The following BANP variants were observed in gnomAD, a reference collection of about 807,000 sequenced individuals.
BANP encodes protein BANP.
A neutral mutation model predicts 68.1 loss-of-function variants in BANP; 11 were observed. That is an observed-to-expected ratio of 0.16 (90% CI 0.10 to 0.27). The LOEUF (loss-of-function observed/expected upper bound fraction) is 0.27. Among genes scored for constraint, BANP ranks in the 10% least tolerant of loss-of-function variants. BANP has a pLI of 1.00. For synonymous variants in BANP, 329 were observed against 303.2 expected (o/e 1.09, Z -0.88); for missense variants, 504 against 722.7 (o/e 0.70, Z 3.47).
intron 1 of BANP, among the ~76,000 whole-genome samples, chr16:87,951,765 G>A (rs1001414573): frequency 2.2e-4 from 34 of 151,634 alleles, no homozygotes; most frequent in African/African-American, 7.0e-4. Context: ...CCCGGCGTCC[G>A]TTGAGCCGCG....
intron 9 of BANP, chr16:88,035,014 C>G: frequency 3.2e-6 from 1 of 311,700 alleles, no homozygotes; most frequent in South Asian, 3.9e-5. Flanking sequence ...TCCAGCATGT[C>G]CAAGCTGTGT....
chr16:88,056,878 A>G (rs886569907), intron 11 of BANP, among the ~76,000 whole-genome samples: 1 of 152,366 alleles, frequency 6.6e-6, no homozygotes, highest in Admixed American at 6.5e-5. Context: ...AGTTAGTTAT[A>G]TGATGCACAC....
chr16:88,058,045 C>T (rs542334322), intron 11 of BANP, among the ~76,000 whole-genome samples: 1 of 152,242 alleles, frequency 6.6e-6, no homozygotes, highest in South Asian at 2.1e-4. Flanking sequence ...TAATTTCCTA[C>T]CTTTTTTTCA....
rs115556549 is a variant in BANP at position 88,007,684 on chromosome 16, G to A, written c.655+1419G>A. ...AGTTGTTGATTTTTCCTAGCAACTCGATGTTGCTTTGTCTAGTGAACAAAG... is the reference window on the plus strand; with the variant it reads ...AGTTGTTGATTTTTCCTAGCAACTCAATGTTGCTTTGTCTAGTGAACAAAG... On this transcript the variant is annotated intron_variant, in intron 6 of 13. Transcript: ENST00000682872. Among the ~76,000 whole-genome samples, 665 of 152,314 alleles carry A rather than the reference G, an allele frequency of 4.4e-3. 3 individuals carry two copies. Among genetic ancestry groups the A allele is most frequent in the African/African-American group, 0.012 (485 of 41,560 alleles).
intron 8 of BANP, among the ~76,000 whole-genome samples, chr16:88,032,170 C>G (rs1216042721): frequency 6.6e-6 from 1 of 151,850 alleles, no homozygotes; most frequent in African/African-American, 2.4e-5. Context: ...TATCAACATT[C>G]TACTTCTCTC....
intron 11 of BANP, among the ~76,000 whole-genome samples, chr16:88,038,355 C>A (rs918612947): frequency 6.6e-6 from 1 of 152,096 alleles, no homozygotes; most frequent in Non-Finnish European, 1.5e-5. Context: ...ACTGGCTTTC[C>A]TCACCATGAC....
chr16:88,033,316 C>T (rs983541681), intron 9 of BANP, 71 bp downstream of exon 9: 16 of 1,407,412 alleles, frequency 1.1e-5, no homozygotes, highest in Non-Finnish European at 1.3e-5. Flanking sequence ...GCCATGGCGG[C>T]TTCCACCGGT....
chr16:88,049,075 A>G (rs1022080381), intron 11 of BANP, among the ~76,000 whole-genome samples: 1 of 152,124 alleles, frequency 6.6e-6, no homozygotes, highest in Non-Finnish European at 1.5e-5. Context: ...GGACACAGCA[A>G]GCAGTGGACA....
rs1025515874 is a variant in BANP at position 88,071,641 on chromosome 16, C to T, written c.1378-428C>T. On this transcript the variant is annotated intron_variant, in intron 12 of 13. Coordinates refer to ENST00000682872, the MANE Select transcript of BANP (RefSeq NM_001386991.1). This position sits in a 1 kb window ranked among gnomAD's most constrained non-coding sequence, Gnocchi z 6.5. ...TTGGGAATGGGGAGGGTTTGGGTCT[C>T]AGCCTCACGCTCACGGTCCTGGCTT... 3.7e-5 allele frequency: 17 copies of T among 464,330 alleles called. No individual in the cohort carries two copies. The Admixed American group carries it at 4.0e-4, about 11-fold the overall frequency. The allele number at this position is 464,330 out of a possible 1,614,324, so 28.8% of individuals were successfully genotyped here. A position where few individuals can be genotyped will look rare whatever the true frequency, so the allele number is the denominator to read the frequency against.
chr16:88,059,995 T>C (rs2086266171), intron 11 of BANP, among the ~76,000 whole-genome samples: 1 of 152,190 alleles, frequency 6.6e-6, no homozygotes, highest in South Asian at 2.1e-4. Context: ...CCGTGTAGTG[T>C]GTGGTGAGAC....
chr16:87,963,979 T>C (rs2145138227), intron 1 of BANP, among the ~76,000 whole-genome samples: 1 of 152,330 alleles, frequency 6.6e-6, no homozygotes, highest in Middle Eastern at 3.4e-3. Context: ...TTTGCAGCTG[T>C]CCGTTTCTCC....
chr16:88,008,215 C>G (rs894464239), intron 6 of BANP, among the ~76,000 whole-genome samples: 4 of 152,166 alleles, frequency 2.6e-5, no homozygotes, highest in African/African-American at 7.2e-5. Context: ...TCTGTTGATC[C>G]ATCATCAGTT....
chr16:87,952,205 A>T (rs756425429), intron 1 of BANP: 2 of 152,294 alleles, frequency 1.3e-5, no homozygotes, highest in African/African-American at 4.8e-5. Context: ...ATGACATTCC[A>T]TCCACACTGT....
intron 2 of BANP, chr16:87,980,805 G>T: frequency 1.9e-6 from 1 of 519,250 alleles, no homozygotes; most frequent in South Asian, 2.1e-5. Context: ...TTGGAGTTAG[G>T]ACTGACTCAG....
intron 10 of BANP, among the ~76,000 whole-genome samples, chr16:88,037,034 G>A (rs1395335441): frequency 1.3e-5 from 2 of 152,178 alleles, no homozygotes; most frequent in Non-Finnish European, 2.9e-5. Context: ...GGGCTGGGAG[G>A]CTAAGCTCAC....
intron 2 of BANP, among the ~76,000 whole-genome samples, chr16:87,977,592 A>G (rs960242897): frequency 4.6e-5 from 7 of 152,224 alleles, no homozygotes; most frequent in Admixed American, 4.6e-4. Flanking sequence ...GTAGGCATCT[A>G]ATAAAGTTTA....
At chr16:88,050,515 G>C (rs954528499) in intron 11 of BANP, among the ~76,000 whole-genome samples, 30 of 152,240 alleles carry the variant, frequency 2.0e-4, no homozygotes, top group African/African-American at 7.2e-4. Context: ...GTTAATGGTT[G>C]TGTTGAGCAT....
intron 1 of BANP, among the ~76,000 whole-genome samples, chr16:87,961,756 G>T (rs1465869431): frequency 6.6e-6 from 1 of 152,154 alleles, no homozygotes; most frequent in East Asian, 1.9e-4. Flanking sequence ...GATCATGAGG[G>T]CTCAGCCCTC....
intron 3 of BANP, 89 bp downstream of exon 3, chr16:87,981,216 A>T: frequency 6.2e-6 from 6 of 962,200 alleles, no homozygotes; most frequent in African/African-American, 1.6e-5. Context: ...GATGGCTTCA[A>T]AATGTAGCCT....
Sources: allele counts gnomAD v4.1 joint callset (sites outside exome capture counted in the v4.1 genomes callset), GRCh38; gene constraint gnomAD v4.1.1; non-coding constraint Gnocchi (gnomAD v3.1); transcripts MANE v1.5; gene names NCBI Gene and HGNC (gene_info 2026-07-23, HGNC 2026-07-21).